CORO7: variants seen among roughly 807,000 people sequenced by gnomAD.
CORO7 encodes coronin-7.
A neutral mutation model predicts 126.6 loss-of-function variants in CORO7; 107 were observed. The observed-to-expected ratio is 0.85, with a 90% CI of 0.72 to 0.99. The LOEUF (loss-of-function observed/expected upper bound fraction) is 0.99, where lower values mean the gene tolerates loss of function less well. Ranked by LOEUF, CORO7 falls within the 50% of genes least tolerant of loss-of-function variation. The pLI is 0.00. For synonymous variants in CORO7, 603 were observed against 536.8 expected (o/e 1.12, Z -1.70); for missense variants, 1,314 against 1,255.8 (o/e 1.05, Z -0.70).
intron 9 of CORO7, chr16:4,381,774 C>T (rs530140624): frequency 1.2e-6 from 2 of 1,601,508 alleles, no homozygotes; most frequent in South Asian, 1.1e-5. Flanking sequence ...CCCGCAACCC[C>T]TTCAACTGCG....
chr16:4,362,899 G>A lies in CORO7; in HGVS notation c.1276-161C>T, dbSNP rs1226317299. ...AGCGGCGGGGGGCACGGGCATAAAC[G>A]CAGACACACAGGGAAGCAGCCGAGC... On this transcript the variant is annotated intron_variant, in intron 14 of 27. Transcript: ENST00000251166. The surrounding 1 kb of genome is among the most constrained non-coding windows in gnomAD (Gnocchi z 5.3). 3.5e-5 allele frequency: 29 copies of A among 825,062 alleles called. No homozygotes were observed. The highest frequency in any genetic ancestry group is 4.2e-4 in the Middle Eastern group (1 of 2,404). The allele number at this position is 825,062 out of a possible 1,614,324, so 51.1% of individuals were successfully genotyped here.
At chr16:4,381,418 C>G in intron 9 of CORO7, 1 of 1,583,696 alleles carries the variant, frequency 6.3e-7, no homozygotes, top group Non-Finnish European at 8.6e-7. Flanking sequence ...CCACAACAGC[C>G]TCCTGGCCCT....
chr16:4,398,434 CT>C, intron 6 of CORO7, among the ~76,000 whole-genome samples: 1 of 152,138 alleles, frequency 6.6e-6, no homozygotes, highest in Non-Finnish European at 1.5e-5. Context: ...GAAGCCAAGG[CT>C]GGGGGGAATC....
chr16:4,360,391 G>A (rs746695504), intron 20 of CORO7, 28 bp from the exon 21 acceptor site: 2 of 1,613,374 alleles, frequency 1.2e-6, no homozygotes, highest in South Asian at 2.2e-5. Context: ...GTGACACCCA[G>A]CCAGCACCCC....
At chr16:4,382,858 C>G in intron 9 of CORO7, 1 of 1,577,294 alleles carries the variant, frequency 6.3e-7, no homozygotes, top group Non-Finnish European at 8.6e-7. Context: ...CTTCCCAGGG[C>G]CTGGCCTCCA....
In CORO7 at chr16:4,387,177, A is replaced by AC. The variant is rs111594266; in HGVS notation, c.785+808dup. 5.0e-3 allele frequency among the ~76,000 whole-genome samples: 746 copies of AC among 149,022 alleles called. 10 individuals are homozygous for AC. The highest frequency in any genetic ancestry group is 0.012 in the African/African-American group (502 of 40,338). ...GCCCTGCCTGGCTACGTCTCTGAAC[A>AC]CCCCCCCCAGCCTCAGTCTCCCCAG... is the stretch of plus-strand genomic sequence containing the variant. On this transcript the variant is annotated intron_variant, in intron 9 of 27. Transcript: ENST00000251166.
chr16:4,379,807 C>A (rs535526497), intron 9 of CORO7, among the ~76,000 whole-genome samples: 2 of 150,066 alleles, frequency 1.3e-5, no homozygotes, highest in East Asian at 2.0e-4. Context: ...CTTTTGGAGG[C>A]TGAGGCGGGC....
At chr16:4,412,571 G>A (rs919209077) in intron 2 of CORO7, 141 bp from the exon 3 acceptor site, 3 of 815,532 alleles carry the variant, frequency 3.7e-6, no homozygotes, top group Non-Finnish European at 3.9e-6. Flanking sequence ...CATATCCTCT[G>A]CACGTAGCAA....
At chr16:4,396,226 CCCA>C (rs1306996770) in intron 6 of CORO7, among the ~76,000 whole-genome samples, 6 of 151,960 alleles carry the variant, frequency 3.9e-5, no homozygotes, top group East Asian at 3.9e-4. Context: ...ATTACAGGCG[CCCA>C]CCACCACATC....
At chr16:4,360,255 G>C (rs1382238744) in intron 21 of CORO7, 23 bp downstream of exon 21, 5 of 1,613,262 alleles carry the variant, frequency 3.1e-6, no homozygotes, top group Non-Finnish European at 4.2e-6. Context: ...GAAGCCTGGG[G>C]ATGGGGATGC....
At chr16:4,387,918 C>G in intron 9 of CORO7, 68 bp downstream of exon 9, 2 of 1,586,072 alleles carry the variant, frequency 1.3e-6, no homozygotes, top group Non-Finnish European at 1.7e-6. Flanking sequence ...CAGGCCGGAT[C>G]AGGTGCCCTC....
chr16:4,359,529 A>G lies in CORO7; in HGVS notation c.2201T>C (p.Leu734Pro). The change falls in exon 22 of 28, where the codon CTG (leucine) becomes CCG (proline). Residue 734 changes from leucine (L) to proline (P), a missense_variant. Leu to Pro is a moderately conservative substitution (Grantham distance 98, BLOSUM62 -3). Transcript: ENST00000251166. ...VLGLDVAPST[L>P]LPSYDPDTGL... ...AGTGTCTGGGTCGTAGCTGGGCAGC[A>G]GGGTTGAGGGAGCCACGTCCAGGCC... is the stretch of plus-strand genomic sequence containing the variant. The G allele has an allele frequency of 6.2e-7, 1 of 1,613,346 alleles. No individual in the cohort carries two copies. The highest frequency in any genetic ancestry group is 2.2e-5 in the East Asian group (1 of 44,868).
chr16:4,361,126 C>T, intron 18 of CORO7, 36 bp downstream of exon 18: 2 of 1,613,308 alleles, frequency 1.2e-6, no homozygotes, highest in Middle Eastern at 1.6e-4. Context: ...TTGGGAGACA[C>T]TGGCCACCCC....
chr16:4,363,696 G>C (rs1162758914), intron 14 of CORO7, among the ~76,000 whole-genome samples: 1 of 151,142 alleles, frequency 6.6e-6, no homozygotes, highest in African/African-American at 2.4e-5. Context: ...TAGACGACAG[G>C]GCGAGACTCA....
rs796395767 is a variant in CORO7 at position 4,405,109 on chromosome 16, C to T, written c.564+382G>A. Among the ~76,000 whole-genome samples the T allele has an allele frequency of 9.8e-5, 15 of 152,318 alleles. No individual in the cohort carries two copies. In the South Asian group the frequency reaches 2.3e-3, roughly 23 times the overall value. ...GTCCTCTTGTCTGTACTGTCCTCGA[C>T]GGAAGTCACCTCCCCAGCAACTGGG... is the stretch of plus-strand genomic sequence containing the variant. On this transcript the variant is annotated intron_variant, in intron 6 of 27. Coordinates refer to ENST00000251166, the MANE Select transcript of CORO7 (RefSeq NM_024535.5).
At chr16:4,360,198 C>T (rs1455555780) in intron 21 of CORO7, 80 bp downstream of exon 21, 1 of 1,587,374 alleles carries the variant, frequency 6.3e-7, no homozygotes, top group Non-Finnish European at 8.6e-7. Context: ...TTCTGAAAGC[C>T]TGACAAATGT....
chr16:4,401,562 G>A (rs556135339), intron 6 of CORO7, among the ~76,000 whole-genome samples: 1 of 152,344 alleles, frequency 6.6e-6, no homozygotes, highest in South Asian at 2.1e-4. Context: ...GACAGAGAGA[G>A]GAGGATGAGA....
chr16:4,377,646 T>A (rs1006227280), intron 9 of CORO7, among the ~76,000 whole-genome samples: 2 of 152,188 alleles, frequency 1.3e-5, no homozygotes, highest in Non-Finnish European at 2.9e-5. Flanking sequence ...CTTCCCTCGC[T>A]GGGTTCCTCT....
intron 9 of CORO7, among the ~76,000 whole-genome samples, chr16:4,371,466 C>A (rs1377513067): frequency 6.6e-6 from 1 of 152,216 alleles, no homozygotes; most frequent in East Asian, 1.9e-4. Context: ...GAGGACTCAG[C>A]CCTTACCAGC....
Sources: allele counts gnomAD v4.1 joint callset (sites outside exome capture counted in the v4.1 genomes callset), GRCh38; gene constraint gnomAD v4.1.1; non-coding constraint Gnocchi (gnomAD v3.1); transcripts MANE v1.5; gene names NCBI Gene and HGNC (gene_info 2026-07-23, HGNC 2026-07-21).